GPLD1: variants seen among roughly 807,000 people sequenced by gnomAD.
The protein encoded by GPLD1 is phosphatidylinositol-glycan-specific phospholipase D.
A neutral mutation model predicts 112.6 loss-of-function variants in GPLD1; 84 were observed. The ratio of observed to expected loss-of-function variants is 0.75; its 90% CI spans 0.63 to 0.89. GPLD1 has a LOEUF of 0.89. Among genes scored for constraint, GPLD1 ranks in the 40% least tolerant of loss-of-function variants. The pLI, the probability that GPLD1 is intolerant of heterozygous loss-of-function variation, is 0.00. For synonymous variants in GPLD1, 386 were observed against 403.8 expected, an observed-to-expected ratio of 0.96 and a Z score of 0.53; for missense variants, 1,044 against 1,051.5, an observed-to-expected ratio of 0.99 and a Z score of 0.10.
intron 11 of GPLD1, among the ~76,000 whole-genome samples, chr6:24,461,957 T>C (rs1279229180): frequency 6.6e-6 from 1 of 152,322 alleles, no homozygotes. Context: ...GACTGTCGGT[T>C]GGTACCTGAC....
intron 7 of GPLD1, among the ~76,000 whole-genome samples, chr6:24,467,715 C>A (rs1217100353): frequency 6.6e-6 from 1 of 152,066 alleles, no homozygotes; most frequent in Non-Finnish European, 1.5e-5. Context: ...CTCACCCTGA[C>A]ATCTTAATTT....
intron 20 of GPLD1, among the ~76,000 whole-genome samples, chr6:24,439,736 T>C (rs1762686872): frequency 6.6e-6 from 1 of 152,200 alleles, no homozygotes; most frequent in Admixed American, 6.5e-5. Context: ...CTGAAAATAA[T>C]TCTGAAGAAC....
intron 14 of GPLD1, among the ~76,000 whole-genome samples, chr6:24,452,966 A>G (rs1333946085): frequency 1.3e-5 from 2 of 152,048 alleles, no homozygotes; most frequent in Non-Finnish European, 1.5e-5. Flanking sequence ...CAAAAGCCCC[A>G]CACTCATTGG....
At position 24,475,210 on chromosome 6, in the gene GPLD1, A is replaced by G; in HGVS notation, c.352T>C (p.Phe118Leu). The change falls in exon 5 of 25, where the codon TTC (phenylalanine) becomes CTC (leucine). Residue 118 changes from phenylalanine (F) to leucine (L), a missense_variant. Physicochemically the swap from Phe to Leu is conservative, Grantham distance 22. Coordinates refer to ENST00000230036, the MANE Select transcript of GPLD1 (RefSeq NM_001503.4). ...WEKDTEKLVA[F>L]LFGITSHMAA... ...ATGTGAGAAGTAATTCCAAACAAGA[A>G]AGCTACCAGTTTCTCTGTGTCCTGC... 6.2e-7 allele frequency: 1 copy of G among 1,607,408 alleles called. No individual in the cohort carries two copies. The highest frequency in any genetic ancestry group is 8.5e-7 in the Non-Finnish European group (1 of 1,173,916).
At chr6:24,435,306 C>T (rs913463774) in intron 22 of GPLD1, among the ~76,000 whole-genome samples, 4 of 152,072 alleles carry the variant, frequency 2.6e-5, no homozygotes, top group African/African-American at 7.2e-5. Context: ...CCACTGCGCC[C>T]GGCCAATTTC....
At chr6:24,488,779 C>G (rs898835926) in intron 1 of GPLD1, among the ~76,000 whole-genome samples, 15 of 152,090 alleles carry the variant, frequency 9.9e-5, no homozygotes, top group African/African-American at 2.7e-4. Flanking sequence ...TTAAATAACT[C>G]TTTGTGGTGC....
chr6:24,472,197 C>T (rs1371541549), intron 7 of GPLD1, among the ~76,000 whole-genome samples: 1 of 152,104 alleles, frequency 6.6e-6, no homozygotes, highest in Admixed American at 6.6e-5. Flanking sequence ...AAAAGTGTAA[C>T]CTCATTAGCA....
chr6:24,475,719 G>T (rs541171780), intron 4 of GPLD1, among the ~76,000 whole-genome samples: 2 of 150,690 alleles, frequency 1.3e-5, no homozygotes, highest in Non-Finnish European at 2.9e-5. Context: ...TTAGCCGGGC[G>T]TGGTGGCGGG....
intron 20 of GPLD1, 64 bp from the exon 21 acceptor site, chr6:24,437,353 C>T: frequency 4.2e-6 from 6 of 1,440,516 alleles, no homozygotes; most frequent in Non-Finnish European, 4.8e-6. Flanking sequence ...CACGGAATAG[C>T]ACCCCATCCT....
rs991959892 is a variant in GPLD1 at position 24,426,336 on chromosome 6, A to G, written c.*2696T>C. ...AATTTAATCCATGTATCAGGATAAT[A>G]TATTAGACTGTCATGCATTAATTTT... On this transcript the variant is annotated 3_prime_UTR_variant, in exon 25 of 25. Coordinates refer to ENST00000230036, the MANE Select transcript of GPLD1 (RefSeq NM_001503.4). 4.6e-5 allele frequency: 7 copies of G among 152,204 alleles called. No individual in the cohort carries two copies. The highest frequency in any genetic ancestry group is 1.7e-4 in the African/African-American group (7 of 41,450). The allele number at this position is 152,204 out of a possible 1,614,324, so 9.4% of individuals were successfully genotyped here.
At position 24,448,136 on chromosome 6, in the gene GPLD1, G is replaced by A. The variant is rs1262265196; in HGVS notation, c.1519C>T (p.Gln507Ter). 1 of 1,611,408 alleles carries A rather than the reference G, an allele frequency of 6.2e-7. No individual in the cohort carries two copies. Among genetic ancestry groups the A allele is most frequent in the Non-Finnish European group, 8.5e-7 (1 of 1,178,882 alleles). ...CCTGGCTAAAGTGGTAAACATACCT[G>A]GCAAGAAATGGTGATGTTAGGGGAA... Reference protein sequence around the residue: ...SSSPNITISCQDIYCNLGWTL... With the variant: ...SSSPNITISC Residue 507 changes from glutamine (Q) to a stop codon, truncating the protein, a stop_gained and splice_region_variant, in exon 16 of 25, where the codon CAG becomes TAG. Transcript: ENST00000230036. LOFTEE classifies it high-confidence loss of function.
intron 7 of GPLD1, among the ~76,000 whole-genome samples, chr6:24,471,844 T>C (rs58775285): frequency 0.072 from 10,999 of 152,216 alleles, 1,151 homozygotes; most frequent in African/African-American, 0.23. Context: ...CTCAGCCTCC[T>C]GAGTAGCTGG....
intron 22 of GPLD1, among the ~76,000 whole-genome samples, chr6:24,434,673 T>G (rs1762512567): frequency 6.6e-6 from 1 of 151,360 alleles, no homozygotes; most frequent in Non-Finnish European, 1.5e-5. Context: ...CCGTTTCTAC[T>G]AAAAATACAA....
chr6:24,442,422 ATTTTTTTTTTTTTTTTTTTTTTTT>A (rs71002496), intron 20 of GPLD1, among the ~76,000 whole-genome samples: 8 of 60,638 alleles, frequency 1.3e-4, no homozygotes, highest in South Asian at 6.6e-4. Context: ...CATCTGGCTA[ATTTTTTTTTTTTTTTTTTTTTTTT>A]TTTTTTTTTT....
Position 24,456,600 on chromosome 6 carries a change from T to C in GPLD1, c.1046A>G (p.Asn349Ser). 6.2e-7 allele frequency: 1 copy of C among 1,606,356 alleles called. No individual in the cohort carries two copies. Among genetic ancestry groups the C allele is most frequent in the Middle Eastern group, 1.7e-4 (1 of 6,044 alleles). ...MSFIYKALER[N>S]IRTMFIGGSQ... is the part of the protein sequence containing the mutation. ...GCCACCTATGAACATTGTCCTTATG[T>C]TCCTTTCCAAAGCCTTGTAGATAAA... Residue 349 changes from asparagine to serine, a missense_variant, in exon 13 of 25, where the codon AAC (asparagine) becomes AGC (serine). Transcript: ENST00000230036.
intron 3 of GPLD1, among the ~76,000 whole-genome samples, chr6:24,478,475 C>CA (rs1384177650): frequency 2.0e-5 from 3 of 148,784 alleles, no homozygotes; most frequent in Non-Finnish European, 2.9e-5. Context: ...GCAGTTTATA[C>CA]AAGTACCCAG....
At chr6:24,446,324 C>A (rs1460691813) in intron 18 of GPLD1, among the ~76,000 whole-genome samples, 2 of 145,758 alleles carry the variant, frequency 1.4e-5, no homozygotes, top group Non-Finnish European at 3.0e-5. Context: ...TGCAAAAACC[C>A]ATCCCTATAA....
chr6:24,474,151 C>G (rs1763925008), intron 5 of GPLD1, among the ~76,000 whole-genome samples: 1 of 141,460 alleles, frequency 7.1e-6, no homozygotes, highest in South Asian at 2.3e-4. Context: ...AAAAAAACAA[C>G]AACAAAAAAA....
At chr6:24,432,810 G>A (rs560361702) in intron 24 of GPLD1, among the ~76,000 whole-genome samples, 5 of 152,320 alleles carry the variant, frequency 3.3e-5, no homozygotes, top group African/African-American at 7.2e-5. Context: ...CACAGCAGAC[G>A]AGCCCGGCTA....
Sources: gnomAD v4.1 joint callset for allele counts (sites outside exome capture counted in the v4.1 genomes callset) on GRCh38, gnomAD v4.1.1 for gene constraint, MANE v1.5 for transcripts, NCBI Gene and HGNC (gene_info 2026-07-23, HGNC 2026-07-21) for gene names.